Variants in HDAC4 observed in about 807,000 individuals in gnomAD.
HDAC4 encodes the protein histone deacetylase A.
In HDAC4, 16 loss-of-function variants were observed where a neutral mutation model predicts 135.1. The ratio of observed to expected loss-of-function variants is 0.12; its 90% CI spans 0.08 to 0.18. The LOEUF is 0.18. Ranked by LOEUF, HDAC4 falls within the 10% of genes least tolerant of loss-of-function variation. The probability of loss-of-function intolerance (pLI) is 1.00; values close to 1 mark genes in which losing one functional copy is unlikely to be tolerated. For synonymous variants in HDAC4, 685 were observed against 653.4 expected, an observed-to-expected ratio of 1.05 and a Z score of -0.74; for missense variants, 1,143 against 1,511.8, an observed-to-expected ratio of 0.76 and a Z score of 4.05.
At chr2:239,143,522 G>A (rs994925923) in intron 8 of HDAC4, among the ~76,000 whole-genome samples, 1 of 152,192 alleles carries the variant, frequency 6.6e-6, no homozygotes, top group Non-Finnish European at 1.5e-5. Flanking sequence ...CACATATGGA[G>A]TTCCCCTGGG....
chr2:239,390,454 A>G (rs1276015283), intron 1 of HDAC4, among the ~76,000 whole-genome samples: 3 of 152,202 alleles, frequency 2.0e-5, no homozygotes, highest in African/African-American at 7.2e-5. Flanking sequence ...GAACTGCTTA[A>G]GCTGGGAGAT....
At chr2:239,275,751 C>A (rs1182786762) in intron 2 of HDAC4, among the ~76,000 whole-genome samples, 1 of 152,150 alleles carries the variant, frequency 6.6e-6, no homozygotes, top group Non-Finnish European at 1.5e-5. Flanking sequence ...GCCAGGCACA[C>A]CCATGATGCA....
chr2:239,372,855 T>G (rs79237197), intron 1 of HDAC4, among the ~76,000 whole-genome samples: 2,585 of 152,246 alleles, frequency 0.017, 59 homozygotes, highest in East Asian at 0.12. Context: ...TATGTACACA[T>G]GCACACACCA....
chr2:239,072,347 T>C lies in HDAC4; in HGVS notation c.2751-3740A>G, dbSNP rs550090886. On this transcript the variant is annotated intron_variant, in intron 22 of 26. Coordinates refer to ENST00000543185, the MANE Select transcript of HDAC4 (RefSeq NM_001378414.1). ...TAAAAGTCTCCTGGTATTTCCACCA[T>C]GAAGCCTAGTTTGCACGATTCCCAC... 5.3e-5 allele frequency among the ~76,000 whole-genome samples: 8 copies of C among 152,372 alleles called. No homozygotes were observed. In the East Asian group the frequency reaches 9.6e-4, roughly 18 times the overall value.
chr2:239,308,849 C>T lies in HDAC4; in HGVS notation c.22+43829G>A, dbSNP rs2052737424. 2.0e-5 allele frequency among the ~76,000 whole-genome samples: 3 copies of T among 152,266 alleles called. No homozygotes were observed. In the South Asian group the frequency reaches 6.2e-4, roughly 32 times the overall value. On this transcript the variant is annotated intron_variant, in intron 2 of 26. Transcript: ENST00000543185. The surrounding 1 kb of genome is among the most constrained non-coding windows in gnomAD (Gnocchi z 4.2). ...CTCCCAGACCCAAGGGCAAGGCTGT[C>T]ACAGGCGAAAGACGGGTTCCCCTTC... is the stretch of plus-strand genomic sequence containing the variant.
At chr2:239,387,165 C>A (rs1695872008) in intron 1 of HDAC4, among the ~76,000 whole-genome samples, 1 of 152,246 alleles carries the variant, frequency 6.6e-6, no homozygotes, top group African/African-American at 2.4e-5. Context: ...CTCACTAGGG[C>A]TGCAGTCCTA....
At chr2:239,180,501 C>T (rs563876853) in intron 4 of HDAC4, among the ~76,000 whole-genome samples, 2 of 152,272 alleles carry the variant, frequency 1.3e-5, no homozygotes, top group Admixed American at 1.3e-4. Flanking sequence ...CCCCGCATGT[C>T]TGTGACCTGT....
At chr2:239,341,889 AG>A (rs1692321035) in intron 2 of HDAC4, among the ~76,000 whole-genome samples, 2 of 151,948 alleles carry the variant, frequency 1.3e-5, no homozygotes, top group Admixed American at 1.3e-4. Context: ...GGGCCTCTGG[AG>A]AGTGATTAAG....
At chr2:239,060,209 C>T (rs977357558) in intron 24 of HDAC4, among the ~76,000 whole-genome samples, 2 of 152,240 alleles carry the variant, frequency 1.3e-5, no homozygotes, top group Non-Finnish European at 2.9e-5. Flanking sequence ...CCTTGGGGGA[C>T]TGGCTCATGG....
At position 239,309,936 on chromosome 2, in the gene HDAC4, G is replaced by A. The variant is rs1284050754; in HGVS notation, c.22+42742C>T. On this transcript the variant is annotated intron_variant, in intron 2 of 26. Coordinates refer to ENST00000543185, the MANE Select transcript of HDAC4 (RefSeq NM_001378414.1). This position sits in a 1 kb window ranked among gnomAD's most constrained non-coding sequence, Gnocchi z 4.2. ...TCCCATGGGGCATGAAGGGAGGGTGGCCAGGGTGGCCCGAGCCAGCATCAG... is the reference window on the plus strand; with the variant it reads ...TCCCATGGGGCATGAAGGGAGGGTGACCAGGGTGGCCCGAGCCAGCATCAG... 6.6e-6 allele frequency among the ~76,000 whole-genome samples: 1 copy of A among 152,180 alleles called. No homozygotes were observed. Among genetic ancestry groups the A allele is most frequent in the African/African-American group, 2.4e-5 (1 of 41,440 alleles).
At chr2:239,389,297 G>A (rs1236206839) in intron 1 of HDAC4, among the ~76,000 whole-genome samples, 2 of 152,114 alleles carry the variant, frequency 1.3e-5, no homozygotes, top group Non-Finnish European at 2.9e-5. Context: ...TTGTTCTTTC[G>A]ATCTCCACAA....
At chr2:239,179,865 C>T (rs2044029954) in intron 4 of HDAC4, among the ~76,000 whole-genome samples, 1 of 152,266 alleles carries the variant, frequency 6.6e-6, no homozygotes, top group Non-Finnish European at 1.5e-5. Context: ...CTCGCTGCTC[C>T]AAGACAACAG....
chr2:239,148,718 C>T (rs537053218), intron 7 of HDAC4, among the ~76,000 whole-genome samples: 28 of 152,340 alleles, frequency 1.8e-4, no homozygotes, highest in African/African-American at 6.7e-4. Context: ...ACGTGCATGA[C>T]CAAGATGGCG....
At chr2:239,108,599 C>G (rs2038373825) in intron 14 of HDAC4, among the ~76,000 whole-genome samples, 1 of 152,168 alleles carries the variant, frequency 6.6e-6, no homozygotes, top group South Asian at 2.1e-4. Flanking sequence ...ACTCTAGCCC[C>G]CTACCCTCAA....
chr2:239,114,945 C>A lies in HDAC4; in HGVS notation c.1791+108G>T. The A allele has an allele frequency of 3.8e-6, 5 of 1,329,098 alleles. No individual in the cohort carries two copies. The South Asian group carries it at 6.4e-5, about 17-fold the overall frequency. 82.3% of individuals were successfully genotyped at this position (1,329,098 alleles called of 1,614,324 possible). Reference sequence around the variant, plus strand: ...GACAGGTGAGACACTGGACAGTGACCGCGCAAGGATGCCCTGCAGCCCCCG... The same window carrying A: ...GACAGGTGAGACACTGGACAGTGACAGCGCAAGGATGCCCTGCAGCCCCCG... On this transcript the variant is annotated intron_variant, in intron 13 of 26. Transcript: ENST00000543185.
At chr2:239,351,040 G>A (rs1175462426) in intron 2 of HDAC4, among the ~76,000 whole-genome samples, 2 of 152,176 alleles carry the variant, frequency 1.3e-5, no homozygotes, top group Non-Finnish European at 2.9e-5. Context: ...TGCTGGTACA[G>A]CACAAATGAA....
At chr2:239,127,231 CG>C (rs1232435566) in intron 11 of HDAC4, among the ~76,000 whole-genome samples, 2 of 152,272 alleles carry the variant, frequency 1.3e-5, no homozygotes, top group Non-Finnish European at 2.9e-5. Flanking sequence ...ACAAAGATGG[CG>C]TAAACATTTT....
intron 4 of HDAC4, chr2:239,186,521 C>G (rs539796245): frequency 6.6e-6 from 1 of 152,212 alleles, no homozygotes; most frequent in Non-Finnish European, 1.5e-5. Flanking sequence ...AGAAAGGCAA[C>G]CTTGAACTTC....
chr2:239,132,897 T>C (rs1416286605), intron 11 of HDAC4, among the ~76,000 whole-genome samples: 1 of 152,174 alleles, frequency 6.6e-6, no homozygotes, highest in Admixed American at 6.6e-5. Flanking sequence ...CCCACACTCG[T>C]GCCAGCTGAT....
Sources: allele counts gnomAD v4.1 joint callset (sites outside exome capture counted in the v4.1 genomes callset), GRCh38; gene constraint gnomAD v4.1.1; non-coding constraint Gnocchi (gnomAD v3.1); transcripts MANE v1.5; gene names NCBI Gene and HGNC (gene_info 2026-07-23, HGNC 2026-07-21).